FAM167A: variants seen among roughly 807,000 people sequenced by gnomAD.
FAM167A encodes the protein family with sequence similarity 167 member A, also known as protein FAM167A.
In FAM167A, 23 loss-of-function variants were observed where a neutral mutation model predicts 14.9. The ratio of observed to expected loss-of-function variants is 1.55; its 90% CI spans 1.11 to 2.19. The LOEUF (loss-of-function observed/expected upper bound fraction) is 2.19. FAM167A is among the 30% of genes most tolerant of loss of function. The probability of loss-of-function intolerance (pLI) is 0.00; values close to 1 mark genes in which losing one functional copy is unlikely to be tolerated. For synonymous variants in FAM167A, 174 were observed against 117.7 expected (o/e 1.48, Z -3.10); for missense variants, 401 against 281.5 (o/e 1.42, Z -3.04).
chr8:11,421,922 G>C lies in FAM167A; in HGVS notation c.*2451C>G. The C allele has an allele frequency of 1.3e-5, 5 of 398,354 alleles. No homozygotes were observed. The highest frequency in any genetic ancestry group is 2.2e-5 in the Non-Finnish European group (5 of 226,018). The allele number at this position is 398,354 out of a possible 1,614,324, so 24.7% of individuals were successfully genotyped here. ...TCACAAAGCTGAATTAATGTGGTTA[G>C]TTGTGTTCACTGTGCAAAGTAAGGA... On this transcript the variant is annotated 3_prime_UTR_variant, in exon 3 of 3. Transcript: ENST00000284486.
At chr8:11,464,347 C>G (rs1232493902) in intron 1 of FAM167A, among the ~76,000 whole-genome samples, 1 of 152,164 alleles carries the variant, frequency 6.6e-6, no homozygotes, top group Non-Finnish European at 1.5e-5. Context: ...CAACACGGCC[C>G]TCGGTGGCAG....
intron 2 of FAM167A, chr8:11,438,781 C>G (rs375608753): frequency 1.5e-5 from 5 of 335,894 alleles, no homozygotes; most frequent in Non-Finnish European, 1.7e-5. Context: ...CTGAAAGCAC[C>G]GGGCTATGCA....
chr8:11,438,856 G>A (rs947996993), intron 2 of FAM167A, among the ~76,000 whole-genome samples: 4 of 152,302 alleles, frequency 2.6e-5, no homozygotes, highest in South Asian at 4.1e-4. Context: ...CCAAATCCCC[G>A]CTCAGCCAGT....
intron 1 of FAM167A, chr8:11,446,472 T>C (rs548131634): frequency 1.3e-5 from 2 of 152,052 alleles, no homozygotes; most frequent in South Asian, 4.2e-4. Flanking sequence ...GGTCGAGAGA[T>C]GGGACTTAGA....
rs1239887036 is a variant in FAM167A, at chr8:11,422,575, G to GC, written c.*1797dup. On this transcript the variant is annotated 3_prime_UTR_variant, in exon 3 of 3. Transcript: ENST00000284486. ...GCATGGCAGACAGTAGATCTTGGCTGCGTTGTTCTGCCTACTTTGAAGGAG... is the reference window on the plus strand; with the variant it reads ...GCATGGCAGACAGTAGATCTTGGCTGCCGTTGTTCTGCCTACTTTGAAGGAG... The GC allele has an allele frequency of 3.9e-5, 6 of 152,624 alleles. No homozygotes were observed. Among genetic ancestry groups the GC allele is most frequent in the Non-Finnish European group, 8.8e-5 (6 of 68,042 alleles). The allele number at this position is 152,624 out of a possible 1,614,324, so 9.5% of individuals were successfully genotyped here. A position where few individuals can be genotyped will look rare whatever the true frequency, so the allele number is the denominator to read the frequency against.
chr8:11,463,430 C>G (rs1484462037), intron 1 of FAM167A, among the ~76,000 whole-genome samples: 1 of 152,212 alleles, frequency 6.6e-6, no homozygotes, highest in Non-Finnish European at 1.5e-5. Flanking sequence ...GTGGCCACCA[C>G]CCTAAGCATG....
At chr8:11,468,916 G>C (rs1370593491), upstream of FAM167A, among the ~76,000 whole-genome samples, 1 of 152,198 alleles carries the variant, frequency 6.6e-6, no homozygotes, top group Non-Finnish European at 1.5e-5. Context: ...ATCAGTGATG[G>C]GGACCAGGAG....
intron 2 of FAM167A, among the ~76,000 whole-genome samples, chr8:11,427,080 T>C (rs1805222485): frequency 6.6e-6 from 1 of 152,206 alleles, no homozygotes; most frequent in African/African-American, 2.4e-5. Context: ...GGTTTTGTCT[T>C]TGCAGCTATC....
chr8:11,462,855 T>C (rs566862952), intron 1 of FAM167A, among the ~76,000 whole-genome samples: 1 of 152,324 alleles, frequency 6.6e-6, no homozygotes, highest in East Asian at 1.9e-4. Context: ...CATTGGGCAT[T>C]TGATGATTAG....
chr8:11,454,457 G>A (rs1431656276), intron 1 of FAM167A, among the ~76,000 whole-genome samples: 1 of 152,226 alleles, frequency 6.6e-6, no homozygotes, highest in Non-Finnish European at 1.5e-5. Flanking sequence ...CATCAGTAGA[G>A]GGCACAGCCC....
chr8:11,444,119 G>C lies in FAM167A; in HGVS notation c.293C>G (p.Ala98Gly), dbSNP rs781623889. 5 of 1,613,232 alleles carry C rather than the reference G, an allele frequency of 3.1e-6. No individual in the cohort carries two copies. The highest frequency in any genetic ancestry group is 4.2e-6 in the Non-Finnish European group (5 of 1,180,006). The change falls in exon 2 of 3, where the codon GCC becomes GGC. Residue 98 changes from alanine (A) to glycine (G), a missense_variant. Physicochemically the swap from Ala to Gly is moderately conservative, Grantham distance 60 (BLOSUM62 0). Coordinates refer to ENST00000284486, the MANE Select transcript of FAM167A (RefSeq NM_053279.3). The stretch of plus-strand genomic sequence containing the variant: ...GGACAGGGGTCTGGCACCTTGGCTG[G>C]CACTCCTGGCAGAAGGGGGGTGCTG... ...AGQHPPSARS[A>G]SQGARPLSTG...
chr8:11,456,149 G>GT (rs1807276547), intron 1 of FAM167A, among the ~76,000 whole-genome samples: 3 of 59,844 alleles, frequency 5.0e-5, no homozygotes, highest in African/African-American at 1.8e-4. Context: ...GTGTGTGTGT[G>GT]AATGTGGGGG....
At chr8:11,436,700 G>T (rs1436167718) in intron 2 of FAM167A, among the ~76,000 whole-genome samples, 1 of 152,192 alleles carries the variant, frequency 6.6e-6, no homozygotes, top group Non-Finnish European at 1.5e-5. Context: ...ATGGAGTGCC[G>T]AAGTGCCCTG....
At chr8:11,431,469 G>A (rs780720126) in intron 2 of FAM167A, among the ~76,000 whole-genome samples, 3 of 152,200 alleles carry the variant, frequency 2.0e-5, no homozygotes, top group East Asian at 1.9e-4. Context: ...TGGTGGTGAC[G>A]GCTGCACAGC....
chr8:11,434,702 C>G (rs1805875401), intron 2 of FAM167A: 2 of 240,038 alleles, frequency 8.3e-6, no homozygotes, highest in East Asian at 2.3e-4. Flanking sequence ...CGAAGAGCCC[C>G]TAGATCTGCC....
intron 1 of FAM167A, among the ~76,000 whole-genome samples, chr8:11,448,588 A>C (rs903863830): frequency 2.0e-5 from 3 of 152,180 alleles, no homozygotes. Context: ...CCTGGACACC[A>C]AACGACACGA....
At chr8:11,455,534 GGT>G (rs1237226427) in intron 1 of FAM167A, among the ~76,000 whole-genome samples, 156 of 136,584 alleles carry the variant, frequency 1.1e-3, no homozygotes, top group African/African-American at 4.0e-3. Context: ...TGCCCTGCTG[GGT>G]GTGTGAGTCT....
upstream of FAM167A, among the ~76,000 whole-genome samples, chr8:11,469,914 AAATAAAT>A (rs1563397259): frequency 4.8e-5 from 7 of 147,144 alleles, no homozygotes; most frequent in South Asian, 2.2e-4. Context: ...ATAAATAAAT[AAATAAAT>A]AAAAGATTTA....
intron 2 of FAM167A, among the ~76,000 whole-genome samples, chr8:11,441,027 A>G (rs1423756043): frequency 1.3e-5 from 2 of 152,170 alleles, no homozygotes; most frequent in Non-Finnish European, 2.9e-5. Flanking sequence ...GTTGCTTTCT[A>G]ATCCCAGCAG....
Sources: gnomAD v4.1 joint callset for allele counts (sites outside exome capture counted in the v4.1 genomes callset) on GRCh38, gnomAD v4.1.1 for gene constraint, MANE v1.5 for transcripts, NCBI Gene and HGNC (gene_info 2026-07-23, HGNC 2026-07-21) for gene names.